R3HDM1: variants seen among roughly 807,000 people sequenced by gnomAD.
The protein encoded by R3HDM1 is R3H domain-containing protein 1.
In R3HDM1, 46 loss-of-function variants were observed where a neutral mutation model predicts 141.1. The ratio of observed to expected loss-of-function variants is 0.33; its 90% CI spans 0.26 to 0.42. The LOEUF (loss-of-function observed/expected upper bound fraction) is 0.42, where lower values mean the gene tolerates loss of function less well. R3HDM1 is among the 10% of genes least tolerant of loss of function. R3HDM1 has a pLI of 1.00. For missense variants in R3HDM1, 1,184 were observed against 1,368.3 expected (o/e 0.87, Z 2.12); for synonymous variants, 435 against 472.9 (o/e 0.92, Z 1.04).
At chr2:135,625,160 A>T (rs1176646917) in intron 7 of R3HDM1, among the ~76,000 whole-genome samples, 2 of 152,206 alleles carry the variant, frequency 1.3e-5, no homozygotes, top group Non-Finnish European at 2.9e-5. Flanking sequence ...AAAATAAAAT[A>T]ACAGAGGGGC....
intron 21 of R3HDM1, among the ~76,000 whole-genome samples, chr2:135,684,867 A>G (rs1482695237): frequency 3.3e-5 from 5 of 151,952 alleles, no homozygotes; most frequent in South Asian, 2.1e-4. Flanking sequence ...GGCTCAAGCA[A>G]TCCTTCCACT....
chr2:135,642,903 A>G (rs1386479688), intron 15 of R3HDM1, among the ~76,000 whole-genome samples: 1 of 152,134 alleles, frequency 6.6e-6, no homozygotes, highest in Non-Finnish European at 1.5e-5. Context: ...TTGCTTAGTA[A>G]TTACCTTCTT....
chr2:135,609,679 C>T (rs959883257), intron 3 of R3HDM1, among the ~76,000 whole-genome samples: 2 of 152,124 alleles, frequency 1.3e-5, no homozygotes, highest in Admixed American at 6.6e-5. Flanking sequence ...CTTTGATTTC[C>T]TGTGTATAAC....
intron 7 of R3HDM1, among the ~76,000 whole-genome samples, chr2:135,624,921 C>T (rs1209770020): frequency 6.6e-6 from 1 of 152,066 alleles, no homozygotes; most frequent in Non-Finnish European, 1.5e-5. Flanking sequence ...ACAGAAAGGC[C>T]AAGTACTAAA....
intron 1 of R3HDM1, among the ~76,000 whole-genome samples, chr2:135,549,240 G>A (rs1183977090): frequency 1.3e-5 from 2 of 151,990 alleles, no homozygotes; most frequent in Non-Finnish European, 2.9e-5. Context: ...GTTTGGTTTT[G>A]TTTTGGTTTG....
chr2:135,555,642 T>C (rs1381476013), intron 1 of R3HDM1, among the ~76,000 whole-genome samples: 1 of 152,106 alleles, frequency 6.6e-6, no homozygotes, highest in Non-Finnish European at 1.5e-5. Flanking sequence ...TTTATCGTAG[T>C]GAAAAAGTAG....
intron 24 of R3HDM1, among the ~76,000 whole-genome samples, chr2:135,720,432 C>T (rs568739789): frequency 6.6e-6 from 1 of 152,324 alleles, no homozygotes; most frequent in Non-Finnish European, 1.5e-5. Flanking sequence ...CTCCTCCAAA[C>T]ACAAAATGTA....
Position 135,680,223 on chromosome 2 carries a change from G to T in R3HDM1, c.2358G>T (p.Gln786His), listed in dbSNP as rs1317959701. 6.2e-7 allele frequency: 1 copy of T among 1,613,662 alleles called. No individual in the cohort carries two copies. The highest frequency in any genetic ancestry group is 2.2e-5 in the East Asian group (1 of 44,868). Reference sequence around the variant, plus strand: ...GAATTCCCCATCAGACTTATCAACAGCCTGTTATGTTCCCTAATCAGTCTA... The same window carrying T: ...GAATTCCCCATCAGACTTATCAACATCCTGTTATGTTCCCTAATCAGTCTA... ...SQGIPHQTYQQPVMFPNQSNQ... is the reference protein window; with the variant it reads ...SQGIPHQTYQHPVMFPNQSNQ... Residue 786 changes from glutamine (Q) to histidine (H), a missense_variant, in exon 21 of 27, where the codon CAG (glutamine) becomes CAT (histidine). By Grantham distance (24) the Gln-to-His change is conservative (BLOSUM62 0). This residue lies in a region of R3HDM1 where 563 missense variants were observed against 562.0 expected (regional missense o/e 1.00). Transcript: ENST00000683871.
At chr2:135,569,730 TTGTTG>T (rs1703651122) in intron 1 of R3HDM1, among the ~76,000 whole-genome samples, 2 of 128,258 alleles carry the variant, frequency 1.6e-5, no homozygotes, top group Admixed American at 8.0e-5. Context: ...TTTTTTTTTG[TTGTTG>T]TTTTTTTTGG....
chr2:135,618,077 A>T (rs2061201253), intron 5 of R3HDM1, among the ~76,000 whole-genome samples: 1 of 152,164 alleles, frequency 6.6e-6, no homozygotes. Flanking sequence ...GTTTTGAAAT[A>T]GATTGTTGTC....
intron 1 of R3HDM1, among the ~76,000 whole-genome samples, chr2:135,537,174 TAAAA>T (rs60737602): frequency 8.7e-6 from 1 of 115,232 alleles, no homozygotes; most frequent in African/African-American, 3.2e-5. Context: ...CTCTGGAATT[TAAAA>T]AAAAAAAAAA....
intron 21 of R3HDM1, among the ~76,000 whole-genome samples, chr2:135,701,967 G>A (rs924959121): frequency 5.4e-5 from 8 of 147,872 alleles, no homozygotes; most frequent in Non-Finnish European, 1.1e-4. Context: ...CACTTAACAT[G>A]TACATTTCAG....
chr2:135,656,107 A>G (rs2065855198), intron 18 of R3HDM1, among the ~76,000 whole-genome samples: 2 of 151,690 alleles, frequency 1.3e-5, no homozygotes. Flanking sequence ...TAAACAATTT[A>G]TATTTATCAT....
intron 9 of R3HDM1, among the ~76,000 whole-genome samples, chr2:135,633,304 A>G (rs1308579310): frequency 6.6e-6 from 1 of 152,190 alleles, no homozygotes; most frequent in Admixed American, 6.5e-5. Flanking sequence ...CTGTTAATTC[A>G]TTTAACCAGT....
rs181476808 is a variant in R3HDM1, at chr2:135,533,603, G to A, written c.-250+1970G>A. 2.5e-3 allele frequency among the ~76,000 whole-genome samples: 384 copies of A among 152,346 alleles called. 3 individuals carry two copies. The highest frequency in any genetic ancestry group is 6.8e-3 in the Middle Eastern group (2 of 294). On this transcript the variant is annotated intron_variant, in intron 1 of 26. Transcript: ENST00000683871. ...TAGAGATAAATATATAATAGTGGCC[G>A]GGCGCGTTGGCGCACCTGTAATCCC...
intron 18 of R3HDM1, among the ~76,000 whole-genome samples, chr2:135,659,144 C>A (rs2066337516): frequency 6.6e-6 from 1 of 151,544 alleles, no homozygotes; most frequent in African/African-American, 2.4e-5. Flanking sequence ...GTCACCCAGG[C>A]TGGAATGCAA....
Position 135,539,110 on chromosome 2 carries a change from G to A in R3HDM1, c.-250+7477G>A, listed in dbSNP as rs545777504. ...ACACACATGACTCTGTCATCTTGAT[G>A]TTAATGTCTTTTTCTGGAATACCTC... On this transcript the variant is annotated intron_variant, in intron 1 of 26. Transcript: ENST00000683871. 4.6e-5 allele frequency among the ~76,000 whole-genome samples: 7 copies of A among 152,212 alleles called. No individual in the cohort carries two copies. In the East Asian group the frequency reaches 1.4e-3, roughly 29 times the overall value.
At chr2:135,597,094 ATTTG>A (rs2059255216) in intron 1 of R3HDM1, 1 of 978,934 alleles carries the variant, frequency 1.0e-6, no homozygotes, top group South Asian at 4.7e-5. Context: ...CCTAAAAGTA[ATTTG>A]TTTCATATAG....
At chr2:135,705,778 G>A (rs2074816416) in intron 21 of R3HDM1, among the ~76,000 whole-genome samples, 1 of 151,984 alleles carries the variant, frequency 6.6e-6, no homozygotes, top group South Asian at 2.1e-4. Context: ...TGGAGAGAAG[G>A]GGAATTTCTC....
Sources: gnomAD v4.1 joint callset for allele counts (sites outside exome capture counted in the v4.1 genomes callset) on GRCh38, gnomAD v4.1.1 for gene constraint, gnomAD v4.1.1 regional missense constraint, MANE v1.5 for transcripts, NCBI Gene and HGNC (gene_info 2026-07-23, HGNC 2026-07-21) for gene names.